The following EPS15L1 variants were observed in gnomAD, a reference collection of about 807,000 sequenced individuals.
The protein encoded by EPS15L1 is epidermal growth factor receptor substrate 15-like 1.
EPS15L1 carries 43 observed loss-of-function variants against 117.1 expected under a neutral mutation model. That is an observed-to-expected ratio of 0.37 (90% confidence interval 0.29 to 0.47). The LOEUF is 0.47. Ranked by LOEUF, EPS15L1 falls within the 20% of genes least tolerant of loss-of-function variation. The pLI, the probability that EPS15L1 is intolerant of heterozygous loss-of-function variation, is 0.99. For missense variants in EPS15L1, 981 were observed against 1,164.0 expected (o/e 0.84, Z 2.29); for synonymous variants, 459 against 470.5 (o/e 0.98, Z 0.32).
intron 1 of EPS15L1, among the ~76,000 whole-genome samples, chr19:16,455,721 C>A (rs1163219909): frequency 6.6e-6 from 1 of 152,236 alleles, no homozygotes; most frequent in Non-Finnish European, 1.5e-5. Flanking sequence ...TCAGCTTCTG[C>A]ATCTGGAGAT....
At chr19:16,378,008 T>C (rs1379875972) in intron 21 of EPS15L1, among the ~76,000 whole-genome samples, 2 of 152,128 alleles carry the variant, frequency 1.3e-5, no homozygotes, top group South Asian at 4.1e-4. Flanking sequence ...GAGATAGTTA[T>C]AACAATTGGA....
At chr19:16,361,599 TGAGAAACTG>T in intron 23 of EPS15L1, 171 bp downstream of exon 23, 1 of 1,327,980 alleles carries the variant, frequency 7.5e-7, no homozygotes, top group Non-Finnish European at 9.6e-7. Flanking sequence ...TTTTTTTTAT[TGAGAAACTG>T]TTTTTCTTAC....
chr19:16,457,553 G>A (rs2093209464), intron 1 of EPS15L1, among the ~76,000 whole-genome samples: 1 of 152,206 alleles, frequency 6.6e-6, no homozygotes, highest in Non-Finnish European at 1.5e-5. Flanking sequence ...GGGTCCTGGA[G>A]GGATGGAGGG....
At chr19:16,361,673 G>C in intron 23 of EPS15L1, 106 bp downstream of exon 23, 1 of 1,462,424 alleles carries the variant, frequency 6.8e-7, no homozygotes, top group South Asian at 1.5e-5. Context: ...GAGGTACCAA[G>C]AGGCTAAAGA....
chr19:16,395,306 C>T (rs775324986), intron 17 of EPS15L1, 38 bp downstream of exon 17: 9 of 1,591,788 alleles, frequency 5.7e-6, no homozygotes, highest in Non-Finnish European at 6.9e-6. Context: ...ATAAAACACA[C>T]AGTCTTTCAA....
At chr19:16,423,145 G>A (rs987211351) in intron 9 of EPS15L1, among the ~76,000 whole-genome samples, 8 of 152,220 alleles carry the variant, frequency 5.3e-5, no homozygotes, top group African/African-American at 1.9e-4. Flanking sequence ...ACCAACTCAG[G>A]GAAATCAGAA....
In EPS15L1 at chr19:16,371,626, C is replaced by T. The variant is rs1042128133; in HGVS notation, c.2380+5496G>A. On this transcript the variant is annotated intron_variant, in intron 22 of 23. Transcript: ENST00000455140. The surrounding 1 kb of genome is among the most constrained non-coding windows in gnomAD (Gnocchi z 4.7). The stretch of plus-strand genomic sequence containing the variant: ...GTAGAACTGCGCTGGCTGGTGTCAC[C>T]GGGCGCTGCAGGCAGGAACCGCAAC... Among the ~76,000 whole-genome samples the T allele has an allele frequency of 8.5e-5, 13 of 152,118 alleles. No homozygotes were observed. Among genetic ancestry groups the T allele is most frequent in the African/African-American group, 1.7e-4 (7 of 41,414 alleles).
intron 22 of EPS15L1, among the ~76,000 whole-genome samples, chr19:16,374,204 C>G (rs960285401): frequency 2.6e-5 from 4 of 152,176 alleles, no homozygotes; most frequent in African/African-American, 9.6e-5. Context: ...TTTCCTCTTC[C>G]AGGAAATGGG....
At chr19:16,361,583 C>CT in intron 23 of EPS15L1, 196 bp downstream of exon 23, 1 of 1,323,908 alleles carries the variant, frequency 7.6e-7, no homozygotes, top group Non-Finnish European at 9.6e-7. Context: ...CAAACTGCGG[C>CT]TCTTTTTTTT....
intron 13 of EPS15L1, among the ~76,000 whole-genome samples, chr19:16,410,810 A>T (rs2092699696): frequency 6.6e-6 from 1 of 152,114 alleles, no homozygotes; most frequent in Non-Finnish European, 1.5e-5. Flanking sequence ...CTACTCGAGA[A>T]GCTGAGGTGG....
intron 7 of EPS15L1, among the ~76,000 whole-genome samples, chr19:16,431,224 G>A (rs1024336734): frequency 3.4e-5 from 5 of 146,362 alleles, no homozygotes; most frequent in African/African-American, 7.6e-5. Flanking sequence ...CGGTGACAGC[G>A]AGACTTCATC....
intron 13 of EPS15L1, among the ~76,000 whole-genome samples, chr19:16,411,173 C>T (rs1180928999): frequency 6.6e-6 from 1 of 152,062 alleles, no homozygotes; most frequent in African/African-American, 2.4e-5. Flanking sequence ...TCACAACAGC[C>T]AAAAAGTGGG....
At chr19:16,429,396 T>C (rs1568444409) in intron 7 of EPS15L1, among the ~76,000 whole-genome samples, 1 of 152,208 alleles carries the variant, frequency 6.6e-6, no homozygotes, top group Non-Finnish European at 1.5e-5. Context: ...AGGCCAACGC[T>C]GGGCAGGCTG....
At chr19:16,374,816 G>A (rs904800353) in intron 22 of EPS15L1, among the ~76,000 whole-genome samples, 2 of 152,258 alleles carry the variant, frequency 1.3e-5, no homozygotes, top group African/African-American at 4.8e-5. Context: ...GTGTGTACAC[G>A]TATGTAAGCA....
chr19:16,471,903 C>G lies in EPS15L1; in HGVS notation c.33+10G>C. On this transcript the variant is annotated intron_variant, in intron 1 of 23. Transcript: ENST00000455140. The surrounding 1 kb of genome is among the most constrained non-coding windows in gnomAD (Gnocchi z 4.8). Reference sequence around the variant, plus strand: ...CCCCGGCGCCGCCCCCAGGCCCGCCCGGCCCGTACCTGCTGGGAGAGGGGG... The same window carrying G: ...CCCCGGCGCCGCCCCCAGGCCCGCCGGGCCCGTACCTGCTGGGAGAGGGGG... 7.7e-7 allele frequency: 1 copy of G among 1,300,900 alleles called. No homozygotes were observed. The highest frequency in any genetic ancestry group is 9.8e-7 in the Non-Finnish European group (1 of 1,025,200). 80.6% of individuals were successfully genotyped at this position (1,300,900 alleles called of 1,614,324 possible). A position where few individuals can be genotyped will look rare whatever the true frequency, so the allele number is the denominator to read the frequency against.
chr19:16,434,175 C>A (rs570879454), intron 7 of EPS15L1, among the ~76,000 whole-genome samples, 190 bp downstream of exon 7: 17 of 152,318 alleles, frequency 1.1e-4, no homozygotes, highest in African/African-American at 4.1e-4. Flanking sequence ...TGGGTGAACA[C>A]TGTAAGCCAC....
At chr19:16,466,114 G>A (rs2093303045) in intron 1 of EPS15L1, among the ~76,000 whole-genome samples, 1 of 151,318 alleles carries the variant, frequency 6.6e-6, no homozygotes, top group Non-Finnish European at 1.5e-5. Flanking sequence ...TCAGCCTCCT[G>A]AGGAGCTGGG....
At chr19:16,406,525 A>G (rs2092658182) in intron 13 of EPS15L1, among the ~76,000 whole-genome samples, 2 of 152,188 alleles carry the variant, frequency 1.3e-5, no homozygotes, top group Non-Finnish European at 2.9e-5. Context: ...AAGCCTCTAG[A>G]GCCTCCTAAG....
At chr19:16,432,042 C>T (rs1056775863) in intron 7 of EPS15L1, among the ~76,000 whole-genome samples, 6 of 152,156 alleles carry the variant, frequency 3.9e-5, no homozygotes, top group Non-Finnish European at 5.9e-5. Flanking sequence ...AGTATGCGTA[C>T]ATTTCGGTGT....
Sources: gnomAD v4.1 joint callset for allele counts (sites outside exome capture counted in the v4.1 genomes callset) on GRCh38, gnomAD v4.1.1 for gene constraint, Gnocchi (gnomAD v3.1) non-coding constraint, MANE v1.5 for transcripts, NCBI Gene and HGNC (gene_info 2026-07-23, HGNC 2026-07-21) for gene names.